The following COL12A1 variants were observed in gnomAD, a reference collection of about 807,000 sequenced individuals.
COL12A1 encodes collagen type XII alpha 1 chain.
COL12A1 carries 114 observed loss-of-function variants against 349.7 expected under a neutral mutation model. The observed-to-expected ratio is 0.33, with a 90% CI of 0.28 to 0.38. The LOEUF is 0.38. COL12A1 is among the 10% of genes least tolerant of loss of function. The pLI is 1.00. For missense variants in COL12A1, 3,284 were observed against 3,756.9 expected (o/e 0.87, Z 3.29); for synonymous variants, 1,369 against 1,329.0 (o/e 1.03, Z -0.66).
intron 65 of COL12A1, among the ~76,000 whole-genome samples, chr6:75,086,953 T>C (rs1327521710): frequency 6.6e-6 from 1 of 152,162 alleles, no homozygotes; most frequent in Non-Finnish European, 1.5e-5. Flanking sequence ...ATGGTCGCCA[T>C]TGACCACAGC....
At chr6:75,174,557 CA>C (rs201132104) in intron 13 of COL12A1, among the ~76,000 whole-genome samples, 7 of 148,616 alleles carry the variant, frequency 4.7e-5, no homozygotes, top group Non-Finnish European at 7.5e-5. Context: ...CTCTGTCTCA[CA>C]AAAAAAAAGA....
intron 13 of COL12A1, among the ~76,000 whole-genome samples, chr6:75,168,433 C>T (rs890040743): frequency 6.6e-6 from 1 of 152,172 alleles, no homozygotes; most frequent in Non-Finnish European, 1.5e-5. Context: ...TGGAAGCTGG[C>T]AAGTGGCTGA....
chr6:75,175,226 A>T lies in COL12A1; in HGVS notation c.2522T>A (p.Val841Glu), dbSNP rs375671490. Reference protein sequence around the residue: ...KLSWSGAPGKVKQYLVTYTPV... With the variant: ...KLSWSGAPGKEKQYLVTYTPV... ...GGTATATGTGACGAGATACTGTTTC[A>T]CTTTTCCTGGTGCCCCACTCCAAGA... The change falls in exon 13 of 66, where the codon GTG becomes GAG. Residue 841 changes from valine (V) to glutamate (E), a missense_variant. Val to Glu is a moderately radical substitution (Grantham distance 121, BLOSUM62 -2). Transcript: ENST00000322507. The T allele has an allele frequency of 6.2e-6, 10 of 1,613,994 alleles. No homozygotes were observed. Among genetic ancestry groups the T allele is most frequent in the Non-Finnish European group, 8.5e-6 (10 of 1,180,048 alleles).
In COL12A1 at chr6:75,189,868, A is replaced by C. The variant is rs893737101; in HGVS notation, c.395-53T>G. The C allele has an allele frequency of 3.2e-6, 5 of 1,576,514 alleles. No homozygotes were observed. In the African/African-American group the frequency reaches 6.8e-5, roughly 21 times the overall value. On this transcript the variant is annotated intron_variant, in intron 5 of 65. Transcript: ENST00000322507. ...TGATGCTTTATTAAATCAACTCATC[A>C]ATACATGTTAACATTGCAAAAATGT... is the stretch of plus-strand genomic sequence containing the variant.
rs1320957705 is a variant in COL12A1 at position 75,194,890 on chromosome 6, G to A, written c.131C>T (p.Ser44Leu). ...AATTGGATCAACTGGTTTTGCCCAT[G>A]ACATATGAACAGTATTTTCATCTAT... ...KIIDENTVHM[S>L]WAKPVDPIVG... The change falls in exon 3 of 66, where the codon TCA becomes TTA. Residue 44 changes from serine (S) to leucine (L), a missense_variant. By Grantham distance (145) the Ser-to-Leu change is moderately radical (BLOSUM62 -2). This residue lies in a region of COL12A1 where 2,601 missense variants were observed against 2,824.8 expected (regional missense o/e 0.92). Transcript: ENST00000322507. The A allele has an allele frequency of 1.2e-6, 2 of 1,612,500 alleles. No homozygotes were observed. Among genetic ancestry groups the A allele is most frequent in the African/African-American group, 2.7e-5 (2 of 74,996 alleles).
At chr6:75,107,836 A>G (rs1452590707) in intron 52 of COL12A1, among the ~76,000 whole-genome samples, 3 of 152,224 alleles carry the variant, frequency 2.0e-5, no homozygotes, top group African/African-American at 7.2e-5. Flanking sequence ...TGTAATTGTT[A>G]TACTTAAATA....
At chr6:75,136,288 C>T (rs1245480715) in intron 31 of COL12A1, among the ~76,000 whole-genome samples, 3 of 152,286 alleles carry the variant, frequency 2.0e-5, no homozygotes, top group Middle Eastern at 6.8e-3. Context: ...CTATTGATTA[C>T]AGTTGATATT....
intron 23 of COL12A1, among the ~76,000 whole-genome samples, chr6:75,146,699 T>C (rs1015194623): frequency 1.2e-4 from 18 of 152,336 alleles, no homozygotes; most frequent in African/African-American, 4.3e-4. Flanking sequence ...CAGGGATTTA[T>C]AGGCTTCTTG....
Position 75,171,133 on chromosome 6 carries a change from G to T in COL12A1, c.2710+3905C>A, listed in dbSNP as rs116400286. Among the ~76,000 whole-genome samples the T allele has an allele frequency of 3.8e-3, 572 of 152,254 alleles. 6 individuals carry two copies. Among genetic ancestry groups the T allele is most frequent in the African/African-American group, 0.013 (552 of 41,550 alleles). On this transcript the variant is annotated intron_variant, in intron 13 of 65. Coordinates refer to ENST00000322507, the MANE Select transcript of COL12A1 (RefSeq NM_004370.6). Reference sequence around the variant, plus strand: ...CAAGCACTAACAGCAGCAATTAAAGGTTCTTTCAAGACTTGAAGTTCAATT... The same window carrying T: ...CAAGCACTAACAGCAGCAATTAAAGTTTCTTTCAAGACTTGAAGTTCAATT...
intron 2 of COL12A1, among the ~76,000 whole-genome samples, chr6:75,199,469 A>G (rs1219225601): frequency 6.6e-6 from 1 of 152,370 alleles, no homozygotes; most frequent in East Asian, 1.9e-4. Flanking sequence ...ATTGTTCATT[A>G]TATATTATAA....
At chr6:75,176,313 G>A (rs1048405551) in intron 12 of COL12A1, among the ~76,000 whole-genome samples, 17 of 151,506 alleles carry the variant, frequency 1.1e-4, no homozygotes, top group Non-Finnish European at 5.9e-5. Flanking sequence ...GTGGGAGAGT[G>A]ATGCAGTGGG....
chr6:75,124,152 T>G, intron 41 of COL12A1, 58 bp from the exon 42 acceptor site: 1 of 1,595,326 alleles, frequency 6.3e-7, no homozygotes, highest in Non-Finnish European at 8.6e-7. Flanking sequence ...TTCAAGAAAA[T>G]TTTATATCGC....
chr6:75,118,193 T>G (rs1171570075), intron 46 of COL12A1, among the ~76,000 whole-genome samples: 1 of 152,150 alleles, frequency 6.6e-6, no homozygotes, highest in East Asian at 1.9e-4. Context: ...CAAACTTAAA[T>G]CTACCAGGAG....
chr6:75,087,563 T>C lies in COL12A1; in HGVS notation c.9181+14A>G. 8 of 1,613,098 alleles carry C rather than the reference T, an allele frequency of 5.0e-6. No individual in the cohort carries two copies. Among genetic ancestry groups the C allele is most frequent in the East Asian group, 2.2e-5 (1 of 44,810 alleles). ...TTCAGGTGAGTTGGGGTTCCTACAATGGCAACAACGTACCTGGATAGCCTT... is the reference window on the plus strand; with the variant it reads ...TTCAGGTGAGTTGGGGTTCCTACAACGGCAACAACGTACCTGGATAGCCTT... On this transcript the variant is annotated intron_variant, in intron 65 of 65. Transcript: ENST00000322507.
intron 14 of COL12A1, among the ~76,000 whole-genome samples, chr6:75,158,981 C>G (rs1483124609): frequency 6.6e-6 from 1 of 151,792 alleles, no homozygotes; most frequent in Non-Finnish European, 1.5e-5. Flanking sequence ...TGGACTGGTT[C>G]AAATTTTATA....
Position 75,147,776 on chromosome 6 carries a change from G to A in COL12A1, c.4316C>T (p.Thr1439Ile), listed in dbSNP as rs1479146429. 2 of 1,613,270 alleles carry A rather than the reference G, an allele frequency of 1.2e-6. No homozygotes were observed. The highest frequency in any genetic ancestry group is 3.3e-5 in the Admixed American group (2 of 59,926). Residue 1439 changes from threonine (T) to isoleucine (I), a missense_variant, in exon 23 of 66, where the codon ACA (threonine) becomes ATA (isoleucine). Thr to Ile is a moderately conservative substitution (Grantham distance 89). Coordinates refer to ENST00000322507, the MANE Select transcript of COL12A1 (RefSeq NM_004370.6). ...EFYVSRMETSTVLKDLKPETE... is the reference protein window; with the variant it reads ...EFYVSRMETSIVLKDLKPETE... ...TTCAGGTTTCAGATCTTTCAGCACTGTGCTAGTTTCCATTCGACTCACATA... is the reference window on the plus strand; with the variant it reads ...TTCAGGTTTCAGATCTTTCAGCACTATGCTAGTTTCCATTCGACTCACATA...
At chr6:75,132,209 C>G (rs1766337017) in intron 34 of COL12A1, 127 bp from the exon 35 acceptor site, 5 of 1,212,848 alleles carry the variant, frequency 4.1e-6, no homozygotes, top group Non-Finnish European at 5.7e-6. Context: ...TTCTAATTAC[C>G]TACACACAAA....
chr6:75,176,273 G>A (rs188727715), intron 12 of COL12A1, among the ~76,000 whole-genome samples: 2 of 151,130 alleles, frequency 1.3e-5, no homozygotes, highest in Non-Finnish European at 3.0e-5. Context: ...GTGATGCAGT[G>A]GGGGAGGAAG....
chr6:75,202,814 C>A lies in COL12A1; in HGVS notation c.-22G>T, dbSNP rs1250187489. ...GCATCCTTGGCCTCCGAGCTTACAG[C>A]GGCATGAAGAGATCTGCGGGAGGAA... On this transcript the variant is annotated 5_prime_UTR_variant, in exon 2 of 66. Coordinates refer to ENST00000322507, the MANE Select transcript of COL12A1 (RefSeq NM_004370.6). 3.2e-6 allele frequency: 5 copies of A among 1,550,684 alleles called. No individual in the cohort carries two copies. Among genetic ancestry groups the A allele is most frequent in the African/African-American group, 2.7e-5 (2 of 73,016 alleles).
Sources: gnomAD v4.1 joint callset for allele counts (sites outside exome capture counted in the v4.1 genomes callset) on GRCh38, gnomAD v4.1.1 for gene constraint, gnomAD v4.1.1 regional missense constraint, MANE v1.5 for transcripts, NCBI Gene and HGNC (gene_info 2026-07-23, HGNC 2026-07-21) for gene names.